Variants in ADIPOR1 observed in about 807,000 individuals in gnomAD.
ADIPOR1 encodes adiponectin receptor protein 1.
In ADIPOR1, 15 loss-of-function variants were observed where a neutral mutation model predicts 37.5. The ratio of observed to expected loss-of-function variants is 0.40; its 90% CI spans 0.27 to 0.62. ADIPOR1 has a LOEUF of 0.62. Ranked by LOEUF, ADIPOR1 falls within the 20% of genes least tolerant of loss-of-function variation. ADIPOR1 has a pLI of 0.42. For missense variants in ADIPOR1, 286 were observed against 478.0 expected, an observed-to-expected ratio of 0.60 and a Z score of 3.75; for synonymous variants, 173 against 173.2, an observed-to-expected ratio of 1.00 and a Z score of 0.01.
Position 202,941,462 on chromosome 1 carries a change from A to C in ADIPOR1, c.*111T>G, listed in dbSNP as rs1571558000. 2.2e-6 allele frequency: 3 copies of C among 1,377,826 alleles called. No individual in the cohort carries two copies. The highest frequency in any genetic ancestry group is 2.9e-6 in the Non-Finnish European group (3 of 1,022,192). 85.4% of individuals were successfully genotyped at this position (1,377,826 alleles called of 1,614,324 possible). On this transcript the variant is annotated 3_prime_UTR_variant, in exon 8 of 8. Transcript: ENST00000340990. ...AAGCTTGGTTGGTACTGAATTCTCT[A>C]AGAGGTTTCTTCTAGAAACAGACAA...
chr1:202,950,530 T>C (rs775632893), intron 2 of ADIPOR1, among the ~76,000 whole-genome samples: 4 of 152,066 alleles, frequency 2.6e-5, no homozygotes, highest in Non-Finnish European at 5.9e-5. Flanking sequence ...CTGACAGTGG[T>C]GGATCCTCCA....
chr1:202,953,818 G>T (rs1176642040), intron 1 of ADIPOR1, among the ~76,000 whole-genome samples: 1 of 152,180 alleles, frequency 6.6e-6, no homozygotes, highest in South Asian at 2.1e-4. Context: ...GGAGGGCAGT[G>T]GAGGGAGAGA....
chr1:202,950,626 T>C (rs143733740), intron 2 of ADIPOR1, among the ~76,000 whole-genome samples: 3 of 152,268 alleles, frequency 2.0e-5, no homozygotes, highest in Admixed American at 6.5e-5. Flanking sequence ...TTGTGTGTTA[T>C]ATGAAGTCAA....
chr1:202,957,329 T>C (rs1654822517), intron 1 of ADIPOR1, among the ~76,000 whole-genome samples: 1 of 152,168 alleles, frequency 6.6e-6, no homozygotes, highest in South Asian at 2.1e-4. Flanking sequence ...GCCCGTCTTC[T>C]GAATCACTTG....
chr1:202,949,092 C>T (rs751280040), intron 2 of ADIPOR1, among the ~76,000 whole-genome samples: 1 of 151,802 alleles, frequency 6.6e-6, no homozygotes, highest in East Asian at 2.0e-4. Flanking sequence ...GCCCAGCCTA[C>T]GTTTTCAAAA....
chr1:202,954,725 GTTGT>G (rs1654709860), intron 1 of ADIPOR1, among the ~76,000 whole-genome samples: 1 of 152,206 alleles, frequency 6.6e-6, no homozygotes. Flanking sequence ...GAGCAGGGAG[GTTGT>G]TTGTACTCCT....
In ADIPOR1 at chr1:202,948,340, G is replaced by A; in HGVS notation, c.222C>T (p.His74=). ...VRVLTLPLQA[H]HAMEKMEEFV... ...ACTCTTCCATCTTCTCCATGGCGTG[G>A]TGGGCTTGCAGGGGAAGTGTCAGTA... Residue 74 remains histidine (H), a synonymous_variant, in exon 3 of 8, where the codon CAC becomes CAT. Coordinates refer to ENST00000340990, the MANE Select transcript of ADIPOR1 (RefSeq NM_015999.6). The A allele has an allele frequency of 1.2e-6, 2 of 1,613,812 alleles. No individual in the cohort carries two copies. The highest frequency in any genetic ancestry group is 8.5e-7 in the Non-Finnish European group (1 of 1,179,872).
In ADIPOR1 at chr1:202,958,289, C is replaced by A. The variant is rs1654866323; in HGVS notation, c.-199G>T. On this transcript the variant is annotated 5_prime_UTR_variant, in exon 1 of 8. Transcript: ENST00000340990. ...CGGCCCCGATCTTCAGCGCCCTCCCCGCGCCGGAAGGGGCGCGCGACCTCC... is the reference window on the plus strand; with the variant it reads ...CGGCCCCGATCTTCAGCGCCCTCCCAGCGCCGGAAGGGGCGCGCGACCTCC... The A allele has an allele frequency of 6.6e-6, 1 of 152,256 alleles. No individual in the cohort carries two copies. The highest frequency in any genetic ancestry group is 1.5e-5 in the Non-Finnish European group (1 of 68,114). The allele number at this position is 152,256 out of a possible 1,614,324, so 9.4% of individuals were successfully genotyped here.
chr1:202,946,634 G>A (rs1654333627), intron 3 of ADIPOR1, 24 bp from the exon 4 acceptor site: 1 of 1,613,384 alleles, frequency 6.2e-7, no homozygotes, highest in South Asian at 1.1e-5. Flanking sequence ...ACTTTCTCTG[G>A]GTAGGGCACT....
chr1:202,944,827 T>C, intron 5 of ADIPOR1, 156 bp downstream of exon 5: 1 of 661,060 alleles, frequency 1.5e-6, no homozygotes, highest in Non-Finnish European at 2.5e-6. Context: ...GAGAAAAGCT[T>C]CATCACCCCA....
intron 2 of ADIPOR1, 28 bp downstream of exon 2, chr1:202,950,902 G>C: frequency 6.2e-7 from 1 of 1,613,806 alleles, no homozygotes; most frequent in Non-Finnish European, 8.5e-7. Context: ...AACTGAACAA[G>C]GGGATGACTC....
At chr1:202,944,206 C>T (rs1654214450) in intron 5 of ADIPOR1, 1 of 346,120 alleles carries the variant, frequency 2.9e-6, no homozygotes, top group Non-Finnish European at 5.3e-6. Context: ...ACAGCCGTAT[C>T]TCCCATAGTA....
At chr1:202,943,391 T>C (rs1654179000) in intron 6 of ADIPOR1, among the ~76,000 whole-genome samples, 1 of 152,252 alleles carries the variant, frequency 6.6e-6, no homozygotes, top group African/African-American at 2.4e-5. Context: ...TCCATTCCCT[T>C]AGTAAAATGC....
In ADIPOR1 at chr1:202,946,494, G is replaced by C. The variant is rs1654324895; in HGVS notation, c.375C>G (p.Phe125Leu). The C allele has an allele frequency of 6.2e-7, 1 of 1,614,034 alleles. No homozygotes were observed. The highest frequency in any genetic ancestry group is 1.3e-5 in the African/African-American group (1 of 74,916). The change falls in exon 4 of 8, where the codon TTC (phenylalanine) becomes TTG (leucine). Residue 125 changes from phenylalanine (F) to leucine (L), a missense_variant. Physicochemically the swap from Phe to Leu is conservative, Grantham distance 22. Coordinates refer to ENST00000340990, the MANE Select transcript of ADIPOR1 (RefSeq NM_015999.6). ...CTGTATGAATGCGGAAGATGCTCTT[G>C]AAGCAAGCCCGAAAGGAGGGCATGG... is the stretch of plus-strand genomic sequence containing the variant. ...RPPMPSFRAC[F>L]KSIFRIHTET...
At chr1:202,943,498 G>T (rs1274473751) in intron 6 of ADIPOR1, among the ~76,000 whole-genome samples, 2 of 152,210 alleles carry the variant, frequency 1.3e-5, no homozygotes. Flanking sequence ...CACAAACCAA[G>T]TATAAGAGTA....
chr1:202,941,770 C>A, intron 7 of ADIPOR1, 69 bp from the exon 8 acceptor site: 1 of 1,533,422 alleles, frequency 6.5e-7, no homozygotes, highest in Non-Finnish European at 8.8e-7. Flanking sequence ...TAGGAGAAAG[C>A]ATTTGCTTCT....
chr1:202,955,540 AC>A (rs778284416), intron 1 of ADIPOR1, among the ~76,000 whole-genome samples: 8 of 151,552 alleles, frequency 5.3e-5, no homozygotes, highest in Non-Finnish European at 1.0e-4. Context: ...TAATGTCATG[AC>A]AAAAAAAAAA....
At chr1:202,953,511 T>A (rs1654661645) in intron 1 of ADIPOR1, among the ~76,000 whole-genome samples, 1 of 152,218 alleles carries the variant, frequency 6.6e-6, no homozygotes, top group South Asian at 2.1e-4. Context: ...TGGGGCAGAT[T>A]CCAGCTTGCC....
At chr1:202,943,113 C>G (rs1036371004) in intron 6 of ADIPOR1, among the ~76,000 whole-genome samples, 4 of 142,284 alleles carry the variant, frequency 2.8e-5, no homozygotes, top group South Asian at 2.1e-4. Context: ...AGTGATCCGC[C>G]TGCCTCGGCC....
Sources: gnomAD v4.1 joint callset for allele counts (sites outside exome capture counted in the v4.1 genomes callset) on GRCh38, gnomAD v4.1.1 for gene constraint, MANE v1.5 for transcripts, NCBI Gene and HGNC (gene_info 2026-07-23, HGNC 2026-07-21) for gene names.